Variants in AXDND1 observed in about 807,000 individuals in gnomAD.
AXDND1 encodes axonemal dynein light chain domain-containing protein 1.
In AXDND1, 110 loss-of-function variants were observed where a neutral mutation model predicts 137.5. The observed-to-expected ratio is 0.80, with a 90% CI of 0.69 to 0.94. The LOEUF (loss-of-function observed/expected upper bound fraction) is 0.94, where lower values mean the gene tolerates loss of function less well. Ranked by LOEUF, AXDND1 falls within the 40% of genes least tolerant of loss-of-function variation. The pLI is 0.00. For synonymous variants in AXDND1, 414 were observed against 399.7 expected, an observed-to-expected ratio of 1.04 and a Z score of -0.43; for missense variants, 1,191 against 1,169.8, an observed-to-expected ratio of 1.02 and a Z score of -0.26.
Position 179,419,486 on chromosome 1 carries a change from C to T in AXDND1, c.1230+8220C>T, listed in dbSNP as rs980484862. Among the ~76,000 whole-genome samples, 11 of 149,246 alleles carry T rather than the reference C, an allele frequency of 7.4e-5. No individual in the cohort carries two copies. In the South Asian group the frequency reaches 2.0e-3, roughly 27 times the overall value. The stretch of plus-strand genomic sequence containing the variant: ...AAAACCAGTCAGGCGTGGCGGCGTG[C>T]GCCTGCAATCGCAGGCACTCGGCAG... On this transcript the variant is annotated intron_variant, in intron 12 of 25. Transcript: ENST00000367618.
At chr1:179,454,735 A>G (rs1661052842) in intron 16 of AXDND1, 1 of 152,192 alleles carries the variant, frequency 6.6e-6, no homozygotes, top group African/African-American at 2.4e-5. Context: ...TCGAGTAGCT[A>G]TGGCACAATT....
Position 179,468,618 on chromosome 1 carries a change from G to A in AXDND1, c.1974G>A (p.Gln658=), listed in dbSNP as rs192269491. The change falls in exon 17 of 26, where the codon CAG becomes CAA. Residue 658 remains glutamine, a synonymous_variant. Coordinates refer to ENST00000367618, the MANE Select transcript of AXDND1 (RefSeq NM_144696.6). ...ILLNLTGIVP[Q]HIDVDSVSVL... ...TAAACCTTACTGGTATTGTTCCACAGCACATAGATGTGGATTCTGTTTCGT... is the reference window on the plus strand; with the variant it reads ...TAAACCTTACTGGTATTGTTCCACAACACATAGATGTGGATTCTGTTTCGT... 9.3e-6 allele frequency: 15 copies of A among 1,604,696 alleles called. No homozygotes were observed. Among genetic ancestry groups the A allele is most frequent in the Non-Finnish European group, 1.1e-5 (13 of 1,177,184 alleles).
At position 179,368,887 on chromosome 1, in the gene AXDND1, A is replaced by T. The variant is rs1243773375; in HGVS notation, c.185A>T (p.Glu62Val). The T allele has an allele frequency of 6.2e-7, 1 of 1,613,784 alleles. No homozygotes were observed. Among genetic ancestry groups the T allele is most frequent in the Admixed American group, 1.7e-5 (1 of 59,992 alleles). Residue 62 changes from glutamate (E) to valine (V), a missense_variant, in exon 3 of 26, where the codon GAA becomes GTA. Transcript: ENST00000367618. The part of the protein sequence containing the change: ...TSLQNEFIPK[E>V]VLLSLTYAAN... Reference sequence around the variant, plus strand: ...CTTCAGAATGAGTTCATTCCCAAAGAAGTTCTTCTTTCTCTGACCTATGCG... The same window carrying T: ...CTTCAGAATGAGTTCATTCCCAAAGTAGTTCTTCTTTCTCTGACCTATGCG...
chr1:179,534,549 T>C (rs1671330413), intron 24 of AXDND1, 181 bp from the exon 25 acceptor site: 2 of 587,214 alleles, frequency 3.4e-6, no homozygotes, highest in Admixed American at 3.8e-5. Flanking sequence ...ACTCTGACAT[T>C]AGCATTCAGA....
chr1:179,543,535 G>C (rs544368988), intron 25 of AXDND1: 1 of 152,132 alleles, frequency 6.6e-6, no homozygotes, highest in East Asian at 1.9e-4. Context: ...CAAGGTCTGT[G>C]CACAGGAGCC....
In AXDND1 at chr1:179,379,395, A is replaced by G; in HGVS notation, c.496-2A>G. 1 of 1,612,032 alleles carries G rather than the reference A, an allele frequency of 6.2e-7. No homozygotes were observed. The highest frequency in any genetic ancestry group is 8.5e-7 in the Non-Finnish European group (1 of 1,179,318). ...TTTATTTTGCTTTTCTTTTCTTTTA[A>G]GCCAAAGACACTAACAGATACTTTG... On this transcript the variant is annotated splice_acceptor_variant, in intron 5 of 25. Coordinates refer to ENST00000367618, the MANE Select transcript of AXDND1 (RefSeq NM_144696.6). LOFTEE classifies it high-confidence loss of function.
chr1:179,449,860 T>A (rs970716576), intron 16 of AXDND1: 8 of 152,112 alleles, frequency 5.3e-5, no homozygotes, highest in African/African-American at 1.9e-4. Context: ...TCTTACATAC[T>A]GCCATGTTGC....
chr1:179,535,364 C>A (rs563659059), intron 25 of AXDND1, among the ~76,000 whole-genome samples: 80 of 152,204 alleles, frequency 5.3e-4, no homozygotes, highest in African/African-American at 1.9e-3. Context: ...CTAATGCTAT[C>A]CCTCCCTCAG....
intron 17 of AXDND1, among the ~76,000 whole-genome samples, chr1:179,471,506 T>A (rs1312046949): frequency 6.6e-6 from 1 of 152,256 alleles, no homozygotes; most frequent in African/African-American, 2.4e-5. Flanking sequence ...GTTCATTGTA[T>A]TCCCTTATAA....
intron 21 of AXDND1, among the ~76,000 whole-genome samples, chr1:179,516,631 T>C (rs933922942): frequency 6.6e-6 from 1 of 152,226 alleles, no homozygotes; most frequent in East Asian, 1.9e-4. Flanking sequence ...TCAGATTCTT[T>C]TGTCCCATGG....
intron 25 of AXDND1, among the ~76,000 whole-genome samples, chr1:179,553,402 A>G (rs933315668): frequency 6.6e-6 from 1 of 152,262 alleles, no homozygotes; most frequent in Admixed American, 6.5e-5. Context: ...ATAGCCTCAC[A>G]ATGAAATATT....
Position 179,554,691 on chromosome 1 carries a change from G to A in AXDND1, c.*172G>A. 1 of 946,776 alleles carries A rather than the reference G, an allele frequency of 1.1e-6. No individual in the cohort carries two copies. Among genetic ancestry groups the A allele is most frequent in the Non-Finnish European group, 1.7e-6 (1 of 601,752 alleles). The allele number at this position is 946,776 out of a possible 1,614,324, so 58.6% of individuals were successfully genotyped here. A position where few individuals can be genotyped will look rare whatever the true frequency, so the allele number is the denominator to read the frequency against. On this transcript the variant is annotated 3_prime_UTR_variant, in exon 26 of 26. Coordinates refer to ENST00000367618, the MANE Select transcript of AXDND1 (RefSeq NM_144696.6). ...ACTTCACAGTGCCTTGCAAAGAGTTGTTTAACTTGCATGGTGCCACCCAAT... is the reference window on the plus strand; with the variant it reads ...ACTTCACAGTGCCTTGCAAAGAGTTATTTAACTTGCATGGTGCCACCCAAT...
chr1:179,434,886 G>A (rs763372306), intron 15 of AXDND1, among the ~76,000 whole-genome samples: 1 of 152,138 alleles, frequency 6.6e-6, no homozygotes, highest in Admixed American at 6.5e-5. Flanking sequence ...CACATAGGAA[G>A]GGTAGAGGTC....
chr1:179,382,755 A>C lies in AXDND1; in HGVS notation c.637A>C (p.Met213Leu). 2 of 1,585,790 alleles carry C rather than the reference A, an allele frequency of 1.3e-6. No individual in the cohort carries two copies. Among genetic ancestry groups the C allele is most frequent in the South Asian group, 1.1e-5 (1 of 90,226 alleles). Residue 213 changes from methionine to leucine, a missense_variant and splice_region_variant, in exon 7 of 26, where the codon ATG becomes CTG. Physicochemically the swap from Met to Leu is conservative, Grantham distance 15 (BLOSUM62 2). Transcript: ENST00000367618. ...SENRLLLFPS[M>L]KPNKRVEVAQ... is the part of the protein sequence containing the mutation. The stretch of plus-strand genomic sequence containing the variant: ...AAACAGGCTATTGCTCTTCCCATCC[A>C]TGTAAGTACAGTTTATTTTCTAAAG...
chr1:179,552,795 G>A, intron 25 of AXDND1: 1 of 795,816 alleles, frequency 1.3e-6, no homozygotes, highest in Admixed American at 2.0e-5. Context: ...AGCAAATTTG[G>A]AGTGACCAGA....
intron 21 of AXDND1, among the ~76,000 whole-genome samples, chr1:179,510,402 TTGGGTCTGAGAAAGAAGGGGAAG>T: frequency 6.6e-6 from 1 of 152,316 alleles, no homozygotes; most frequent in South Asian, 2.1e-4. Flanking sequence ...TGTCAGTGTC[TTGGGTCTGAGAAAGAAGGGGAAG>T]GTTCTATCTA....
intron 25 of AXDND1, among the ~76,000 whole-genome samples, chr1:179,538,743 T>A (rs1367698825): frequency 1.3e-5 from 2 of 152,220 alleles, no homozygotes; most frequent in African/African-American, 4.8e-5. Context: ...GTCCTGGATA[T>A]CCTTGTTAAT....
At chr1:179,459,949 CT>C in intron 16 of AXDND1, among the ~76,000 whole-genome samples, 1 of 130,524 alleles carries the variant, frequency 7.7e-6, no homozygotes, top group Non-Finnish European at 1.6e-5. Flanking sequence ...TCTCTCTTTT[CT>C]TTTCTTCCTT....
intron 25 of AXDND1, among the ~76,000 whole-genome samples, chr1:179,546,486 G>A (rs1255261348): frequency 6.6e-6 from 1 of 151,456 alleles, no homozygotes; most frequent in Non-Finnish European, 1.5e-5. Context: ...AAGCAGAGTG[G>A]AGGGAGGAAC....
Sources: allele counts gnomAD v4.1 joint callset (sites outside exome capture counted in the v4.1 genomes callset), GRCh38; gene constraint gnomAD v4.1.1; transcripts MANE v1.5; gene names NCBI Gene and HGNC (gene_info 2026-07-23, HGNC 2026-07-21).